The following SLC24A3 variants were observed in gnomAD, a reference collection of about 807,000 sequenced individuals.
The protein encoded by SLC24A3 is solute carrier family 24 member 3.
Under a neutral mutation model 75.8 loss-of-function variants are expected in SLC24A3, and 28 were observed. The ratio of observed to expected loss-of-function variants is 0.37; its 90% CI spans 0.27 to 0.51. The LOEUF is 0.51. SLC24A3 is among the 20% of genes least tolerant of loss of function. The probability of loss-of-function intolerance (pLI) is 0.94; values close to 1 mark genes in which losing one functional copy is unlikely to be tolerated. For missense variants in SLC24A3, 663 were observed against 847.8 expected (o/e 0.78, Z 2.71); for synonymous variants, 372 against 334.1 (o/e 1.11, Z -1.24).
Position 19,609,754 on chromosome 20 carries a change from C to A in SLC24A3, c.612+24210C>A, listed in dbSNP as rs187343779. ...TTTCAGGTAGTTTACCTGACCATGT[C>A]TTTTCTTTACCAGCTATCCTCATAT... is the stretch of plus-strand genomic sequence containing the variant. On this transcript the variant is annotated intron_variant, in intron 6 of 16. Transcript: ENST00000328041. Among the ~76,000 whole-genome samples, 291 of 152,314 alleles carry A rather than the reference C, an allele frequency of 1.9e-3. 1 individual carries two copies. Among genetic ancestry groups the A allele is most frequent in the Admixed American group, 4.2e-3 (65 of 15,296 alleles).
intron 13 of SLC24A3, chr20:19,695,739 AT>A (rs1377443461): frequency 6.6e-6 from 1 of 152,146 alleles, no homozygotes; most frequent in African/African-American, 2.4e-5. Context: ...GGAAATTGAG[AT>A]GTAGAAACAC....
chr20:19,340,767 A>G (rs1014097903), intron 2 of SLC24A3, among the ~76,000 whole-genome samples: 2 of 152,220 alleles, frequency 1.3e-5, no homozygotes, highest in African/African-American at 2.4e-5. Context: ...TTATCTTGTC[A>G]TCTAGTTTTT....
Position 19,293,367 on chromosome 20 carries a change from G to A in SLC24A3, c.271+12280G>A, listed in dbSNP as rs529161045. Among the ~76,000 whole-genome samples, 40 of 152,160 alleles carry A rather than the reference G, an allele frequency of 2.6e-4. 1 individual carries two copies. The South Asian group carries it at 8.1e-3, about 31-fold the overall frequency. On this transcript the variant is annotated intron_variant, in intron 2 of 16. Coordinates refer to ENST00000328041, the MANE Select transcript of SLC24A3 (RefSeq NM_020689.4). ...TTATGTTCGTGGCTCGGAAAGGGAT[G>A]TTTCCTGGCTGGGCATGGTGGCTCA...
chr20:19,384,970 C>CTTA (rs1245799059), intron 2 of SLC24A3, among the ~76,000 whole-genome samples: 3 of 152,112 alleles, frequency 2.0e-5, no homozygotes, highest in Non-Finnish European at 2.9e-5. Context: ...GACCCTTGAT[C>CTTA]ATTTTTTAAT....
rs146099755 is a variant in SLC24A3, at chr20:19,566,976, T to C, written c.349-13024T>C. Among the ~76,000 whole-genome samples the C allele has an allele frequency of 1.6e-4, 25 of 152,276 alleles. No individual in the cohort carries two copies. The East Asian group carries it at 4.8e-3, about 29-fold the overall frequency. On this transcript the variant is annotated intron_variant, in intron 3 of 16. Transcript: ENST00000328041. ...CAAGTAGATGCCATCTCACACCAGA[T>C]AGAATGGCTATTATTAAAAAGTCAA...
intron 2 of SLC24A3, among the ~76,000 whole-genome samples, chr20:19,469,854 G>A (rs1461602770): frequency 6.6e-6 from 1 of 152,156 alleles, no homozygotes; most frequent in Non-Finnish European, 1.5e-5. Flanking sequence ...GTGGTCACAT[G>A]CCCATTCAAG....
chr20:19,628,790 T>C (rs1400146152), intron 6 of SLC24A3, among the ~76,000 whole-genome samples: 1 of 152,130 alleles, frequency 6.6e-6, no homozygotes, highest in Non-Finnish European at 1.5e-5. Flanking sequence ...TGGGAAATTA[T>C]ACCTGTAGGC....
At chr20:19,359,351 A>C (rs536240203) in intron 2 of SLC24A3, among the ~76,000 whole-genome samples, 1 of 152,162 alleles carries the variant, frequency 6.6e-6, no homozygotes, top group Non-Finnish European at 1.5e-5. Context: ...ATTCCAGGAA[A>C]TATTTCCTAT....
chr20:19,477,029 A>G (rs1987973091), intron 2 of SLC24A3, among the ~76,000 whole-genome samples: 1 of 152,098 alleles, frequency 6.6e-6, no homozygotes, highest in South Asian at 2.1e-4. Flanking sequence ...TAAATGCAAG[A>G]CGAGGACTGG....
At chr20:19,656,448 T>G (rs770165828) in intron 7 of SLC24A3, among the ~76,000 whole-genome samples, 1 of 152,172 alleles carries the variant, frequency 6.6e-6, no homozygotes, top group Non-Finnish European at 1.5e-5. Context: ...AACTATGTTC[T>G]TATTCTGTTA....
intron 1 of SLC24A3, chr20:19,264,169 A>T (rs571460387): frequency 6.6e-6 from 1 of 152,364 alleles, no homozygotes; most frequent in African/African-American, 2.4e-5. Context: ...AAAAAAAAAA[A>T]AAAAAAATTA....
chr20:19,669,391 GC>G (rs2032438242), intron 8 of SLC24A3, among the ~76,000 whole-genome samples: 1 of 151,968 alleles, frequency 6.6e-6, no homozygotes, highest in African/African-American at 2.4e-5. Context: ...AGTCCCGGCT[GC>G]TCGGGAGGCT....
intron 6 of SLC24A3, among the ~76,000 whole-genome samples, chr20:19,596,286 A>G (rs1008260167): frequency 6.6e-6 from 1 of 152,180 alleles, no homozygotes; most frequent in South Asian, 2.1e-4. Flanking sequence ...TGCTGTCTTT[A>G]GAATATTTTT....
intron 2 of SLC24A3, among the ~76,000 whole-genome samples, chr20:19,324,269 G>A (rs1984787971): frequency 6.6e-6 from 1 of 152,202 alleles, no homozygotes; most frequent in South Asian, 2.1e-4. Flanking sequence ...CCCCTCATTA[G>A]AGAAGGGAAA....
intron 2 of SLC24A3, among the ~76,000 whole-genome samples, chr20:19,368,971 G>C (rs1018796833): frequency 6.6e-6 from 1 of 152,326 alleles, no homozygotes; most frequent in Non-Finnish European, 1.5e-5. Context: ...GAATGAACAA[G>C]ATGAGAAAAT....
At chr20:19,642,004 A>G (rs2032080466) in intron 6 of SLC24A3, among the ~76,000 whole-genome samples, 1 of 152,172 alleles carries the variant, frequency 6.6e-6, no homozygotes, top group Non-Finnish European at 1.5e-5. Context: ...TAGTCCTATC[A>G]CTTTCAAACT....
At chr20:19,242,636 C>T (rs1982362720) in intron 1 of SLC24A3, 1 of 152,090 alleles carries the variant, frequency 6.6e-6, no homozygotes, top group Admixed American at 6.6e-5. Context: ...ATAAAATAAA[C>T]ATGTGTTGAA....
chr20:19,289,401 C>T (rs1300930505), intron 2 of SLC24A3, among the ~76,000 whole-genome samples: 1 of 152,198 alleles, frequency 6.6e-6, no homozygotes, highest in Non-Finnish European at 1.5e-5. Context: ...TCTGGGGTTC[C>T]ACAGTAAAGC....
chr20:19,581,559 G>T (rs1340489971), intron 4 of SLC24A3, among the ~76,000 whole-genome samples: 2 of 152,156 alleles, frequency 1.3e-5, no homozygotes, highest in Admixed American at 6.5e-5. Context: ...GAAAAGGAAA[G>T]AAAATGTTTA....
Sources: allele counts gnomAD v4.1 joint callset (sites outside exome capture counted in the v4.1 genomes callset), GRCh38; gene constraint gnomAD v4.1.1; transcripts MANE v1.5; gene names NCBI Gene and HGNC (gene_info 2026-07-23, HGNC 2026-07-21).